RIGI: variants seen among roughly 807,000 people sequenced by gnomAD.
The protein encoded by RIGI is RNA sensor RIG-I, also known as antiviral innate immune response receptor RIG-I.
chr9:32,459,233 C>A, the RIGI span: 1 of 1,108,452 alleles, frequency 9.0e-7, no homozygotes, highest in Non-Finnish European at 1.3e-6. Context: ...TTTTTCACTT[C>A]TTAGCTTTTT....
the RIGI span, chr9:32,488,066 G>C: frequency 3.1e-6 from 5 of 1,614,124 alleles, no homozygotes; most frequent in Non-Finnish European, 4.2e-6. Context: ...AGTAAAGATG[G>C]ATAGTGATGG....
the RIGI span, among the ~76,000 whole-genome samples, chr9:32,475,296 A>G: frequency 6.6e-6 from 1 of 152,144 alleles, no homozygotes; most frequent in Non-Finnish European, 1.5e-5. Flanking sequence ...AGATTTTTTC[A>G]TAGATGTGGA....
At chr9:32,509,155 G>T in the RIGI span, among the ~76,000 whole-genome samples, 1 of 152,180 alleles carries the variant, frequency 6.6e-6, no homozygotes, top group East Asian at 1.9e-4. Flanking sequence ...CTGGGGAAAA[G>T]GGCAGCTGTG....
the RIGI span, among the ~76,000 whole-genome samples, chr9:32,473,985 G>A: frequency 6.6e-6 from 1 of 152,134 alleles, no homozygotes; most frequent in Non-Finnish European, 1.5e-5. Context: ...CCGAGGTTGT[G>A]CCACTGCACT....
the RIGI span, chr9:32,488,154 C>T: frequency 6.2e-7 from 1 of 1,614,066 alleles, no homozygotes; most frequent in South Asian, 1.1e-5. Flanking sequence ...ACAATCTGTT[C>T]CACTGGGACA....
At chr9:32,472,148 T>A in the RIGI span, among the ~76,000 whole-genome samples, 1 of 152,156 alleles carries the variant, frequency 6.6e-6, no homozygotes, top group African/African-American at 2.4e-5. Flanking sequence ...CTTGGACTTT[T>A]TAAAATTGTA....
the RIGI span, among the ~76,000 whole-genome samples, chr9:32,487,201 T>C: frequency 6.6e-6 from 1 of 152,196 alleles, no homozygotes; most frequent in East Asian, 1.9e-4. Flanking sequence ...TCATCACCTC[T>C]TTTGCATTGC....
chr9:32,502,107 A>C, the RIGI span, among the ~76,000 whole-genome samples: 1 of 152,224 alleles, frequency 6.6e-6, no homozygotes, highest in South Asian at 2.1e-4. Context: ...ATATTAATGG[A>C]ATCATACAAT....
the RIGI span, among the ~76,000 whole-genome samples, chr9:32,521,076 C>CA: frequency 7.6e-6 from 1 of 131,336 alleles, no homozygotes; most frequent in Admixed American, 9.1e-5. Context: ...ACCCAGGAGG[C>CA]AGAGGTTGCA....
the RIGI span, chr9:32,491,187 A>C: frequency 2.5e-6 from 3 of 1,209,772 alleles, no homozygotes; most frequent in Non-Finnish European, 1.2e-6. Context: ...TTACTTTCTT[A>C]ATTTTCCTTA....
chr9:32,523,334 T>C, the RIGI span, among the ~76,000 whole-genome samples: 1 of 152,198 alleles, frequency 6.6e-6, no homozygotes, highest in African/African-American at 2.4e-5. Flanking sequence ...GTGGACCCTT[T>C]TCCTGAACTC....
the RIGI span, chr9:32,467,732 A>G: frequency 2.6e-6 from 4 of 1,538,396 alleles, no homozygotes; most frequent in Non-Finnish European, 3.5e-6. Context: ...AACAGAATCC[A>G]TGTAGGAATG....
At chr9:32,474,202 C>CAAAA in the RIGI span, among the ~76,000 whole-genome samples, 66 of 50,666 alleles carry the variant, frequency 1.3e-3, no homozygotes, top group East Asian at 3.9e-3. Context: ...GACCCTGTCT[C>CAAAA]AAAAAAAAAA....
chr9:32,522,891 T>C, the RIGI span, among the ~76,000 whole-genome samples: 1 of 152,184 alleles, frequency 6.6e-6, no homozygotes, highest in Admixed American at 6.5e-5. Flanking sequence ...TTGACCCTCC[T>C]GATCTTAAAG....
At chr9:32,518,781 T>C in the RIGI span, among the ~76,000 whole-genome samples, 2 of 152,236 alleles carry the variant, frequency 1.3e-5, no homozygotes, top group Admixed American at 6.5e-5. Context: ...TATTTGCTCT[T>C]CTGCATAGAT....
At chr9:32,457,058 T>C in the RIGI span, 1 of 1,275,104 alleles carries the variant, frequency 7.8e-7, no homozygotes, top group South Asian at 1.3e-5. Flanking sequence ...TTATACCCAC[T>C]ATGTTTGTTT....
At chr9:32,485,062 C>A in the RIGI span, 6 of 705,762 alleles carry the variant, frequency 8.5e-6, 1 homozygote, top group Admixed American at 5.6e-5. Context: ...GGAAGACAAC[C>A]TCTGGATATG....
At chr9:32,514,663 G>A in the RIGI span, among the ~76,000 whole-genome samples, 6 of 152,100 alleles carry the variant, frequency 3.9e-5, no homozygotes, top group Non-Finnish European at 5.9e-5. Context: ...ACCATGGCAC[G>A]TGTATACCTA....
the RIGI span, among the ~76,000 whole-genome samples, chr9:32,511,996 T>G: frequency 2.0e-3 from 311 of 152,134 alleles, no homozygotes; most frequent in African/African-American, 7.3e-3. Context: ...ATGGATAAAT[T>G]CCTAGACACA....
Sources: gnomAD v4.1 joint callset for allele counts (sites outside exome capture counted in the v4.1 genomes callset) on GRCh38, gnomAD v4.1.1 for gene constraint, MANE v1.5 for transcripts, NCBI Gene and HGNC (gene_info 2026-07-23, HGNC 2026-07-21) for gene names.